Variants in TMEM135 observed in about 807,000 individuals in gnomAD.
TMEM135 encodes the protein transmembrane protein 135, also known as peroxisomal membrane protein 52.
In TMEM135, 30 loss-of-function variants were observed where a neutral mutation model predicts 60.3. That is an observed-to-expected ratio of 0.50 (90% CI 0.37 to 0.68). TMEM135 has a LOEUF of 0.68. Among genes scored for constraint, TMEM135 ranks in the 30% least tolerant of loss-of-function variants. The pLI is 0.00. For missense variants in TMEM135, 468 were observed against 548.8 expected, an observed-to-expected ratio of 0.85 and a Z score of 1.47; for synonymous variants, 190 against 186.7, an observed-to-expected ratio of 1.02 and a Z score of -0.14.
intron 9 of TMEM135, among the ~76,000 whole-genome samples, chr11:87,307,939 G>A (rs1341701745): frequency 6.6e-6 from 1 of 152,090 alleles, no homozygotes; most frequent in Non-Finnish European, 1.5e-5. Flanking sequence ...TGTCTGAAAT[G>A]TTTTTCTCAT....
intron 3 of TMEM135, among the ~76,000 whole-genome samples, chr11:87,087,946 C>T (rs1857131291): frequency 1.3e-5 from 2 of 152,128 alleles, no homozygotes; most frequent in South Asian, 2.1e-4. Context: ...TCATGTTGGT[C>T]AGGCTGGTCT....
chr11:87,045,577 C>T (rs773735191), intron 1 of TMEM135, among the ~76,000 whole-genome samples: 154 of 152,140 alleles, frequency 1.0e-3, no homozygotes, highest in Non-Finnish European at 8.4e-4. Context: ...AAGAGACCCA[C>T]CTGGAGGAAT....
At chr11:87,059,469 C>T (rs1949925616) in intron 1 of TMEM135, among the ~76,000 whole-genome samples, 1 of 151,940 alleles carries the variant, frequency 6.6e-6, no homozygotes, top group Non-Finnish European at 1.5e-5. Flanking sequence ...GCGTGTGCTA[C>T]CACGCCTGGC....
At chr11:87,183,111 A>G (rs1939558833) in intron 5 of TMEM135, among the ~76,000 whole-genome samples, 1 of 150,550 alleles carries the variant, frequency 6.6e-6, no homozygotes, top group Admixed American at 6.6e-5. Context: ...ATTTTTTAAA[A>G]TTAACATGAG....
chr11:87,197,818 A>G (rs1939995317), intron 5 of TMEM135, among the ~76,000 whole-genome samples: 1 of 152,104 alleles, frequency 6.6e-6, no homozygotes, highest in African/African-American at 2.4e-5. Flanking sequence ...AGTTTTTTTT[A>G]TTTGTATGTT....
At chr11:87,250,111 TAGG>T (rs1433878735) in intron 6 of TMEM135, among the ~76,000 whole-genome samples, 1 of 152,148 alleles carries the variant, frequency 6.6e-6, no homozygotes, top group African/African-American at 2.4e-5. Flanking sequence ...TATAGTCTCT[TAGG>T]AGCATTTGCA....
chr11:87,046,655 T>G (rs1185765948), intron 1 of TMEM135, among the ~76,000 whole-genome samples: 1 of 152,196 alleles, frequency 6.6e-6, no homozygotes, highest in Non-Finnish European at 1.5e-5. Context: ...GGCTAGAGAT[T>G]TAGGTTTATA....
In TMEM135 at chr11:87,324,467, G is replaced by T. The variant is rs1004978810; in HGVS notation, c.*3134G>T. The T allele has an allele frequency of 2.2e-6, 1 of 453,968 alleles. No homozygotes were observed. Among genetic ancestry groups the T allele is most frequent in the African/African-American group, 2.0e-5 (1 of 50,086 alleles). 28.1% of individuals were successfully genotyped at this position (453,968 alleles called of 1,614,324 possible). A position where few individuals can be genotyped will look rare whatever the true frequency, so the allele number is the denominator to read the frequency against. On this transcript the variant is annotated 3_prime_UTR_variant, in exon 15 of 15. Coordinates refer to ENST00000305494, the MANE Select transcript of TMEM135 (RefSeq NM_022918.4). The stretch of plus-strand genomic sequence containing the variant: ...GTTGAGGTCTAGCTCTGTTGCCCGG[G>T]TTGGAGTACAGTGGTGCAATCATAG...
Position 87,157,541 on chromosome 11 carries a change from C to A in TMEM135, c.462+135C>A, listed in dbSNP as rs915347994. 1.5e-5 allele frequency: 11 copies of A among 716,858 alleles called. No homozygotes were observed. In the African/African-American group the frequency reaches 1.8e-4, roughly 12 times the overall value. The allele number at this position is 716,858 out of a possible 1,614,324, so 44.4% of individuals were successfully genotyped here. ...TCTGATGTATATAATATTGAGTGTA[C>A]CTGATGAACAAATCCATTTTAATTC... On this transcript the variant is annotated intron_variant, in intron 5 of 14. Coordinates refer to ENST00000305494, the MANE Select transcript of TMEM135 (RefSeq NM_022918.4).
Position 87,328,563 on chromosome 11 carries a change from T to C in TMEM135, c.*7230T>C, listed in dbSNP as rs567402003. On this transcript the variant is annotated 3_prime_UTR_variant, in exon 15 of 15. Coordinates refer to ENST00000305494, the MANE Select transcript of TMEM135 (RefSeq NM_022918.4). ...TGTATACCCTTGTGTATCCATAGCT[T>C]AGCTCCCACTTACAGTTGAGAACAT... 71 of 454,104 alleles carry C rather than the reference T, an allele frequency of 1.6e-4. 1 individual carries two copies. The highest frequency in any genetic ancestry group is 1.4e-3 in the Admixed American group (59 of 42,562). 28.1% of individuals were successfully genotyped at this position (454,104 alleles called of 1,614,324 possible).
chr11:87,127,335 A>G (rs369966843), intron 4 of TMEM135, among the ~76,000 whole-genome samples: 3 of 152,198 alleles, frequency 2.0e-5, no homozygotes, highest in Non-Finnish European at 2.9e-5. Flanking sequence ...TTATTGCTCC[A>G]TGGGTGCCAG....
intron 1 of TMEM135, among the ~76,000 whole-genome samples, chr11:87,058,079 G>A (rs1949910550): frequency 6.6e-6 from 1 of 152,130 alleles, no homozygotes; most frequent in Non-Finnish European, 1.5e-5. Flanking sequence ...CAGGCAGGAG[G>A]AGTTTGTTGT....
intron 6 of TMEM135, among the ~76,000 whole-genome samples, chr11:87,251,805 T>G (rs1162310393): frequency 6.6e-6 from 1 of 152,180 alleles, no homozygotes; most frequent in Non-Finnish European, 1.5e-5. Flanking sequence ...GACTGATCAC[T>G]TAGCAAACGC....
intron 5 of TMEM135, among the ~76,000 whole-genome samples, chr11:87,202,352 G>A (rs1013652301): frequency 6.6e-6 from 1 of 152,026 alleles, no homozygotes. Flanking sequence ...TTGAGACAAG[G>A]TCTGGCTCCA....
intron 3 of TMEM135, among the ~76,000 whole-genome samples, chr11:87,087,496 A>G (rs932273216): frequency 6.6e-6 from 1 of 152,192 alleles, no homozygotes; most frequent in Non-Finnish European, 1.5e-5. Flanking sequence ...GACAAAACTT[A>G]AAAACAACTA....
chr11:87,152,580 A>G (rs1402803915), intron 4 of TMEM135, among the ~76,000 whole-genome samples: 1 of 152,150 alleles, frequency 6.6e-6, no homozygotes, highest in Admixed American at 6.5e-5. Flanking sequence ...CTGGGATTAC[A>G]GGCATGTGCC....
intron 5 of TMEM135, among the ~76,000 whole-genome samples, chr11:87,216,028 A>G (rs1384717136): frequency 6.6e-6 from 1 of 152,196 alleles, no homozygotes; most frequent in Non-Finnish European, 1.5e-5. Flanking sequence ...TTATTATAGT[A>G]TATTGTAACT....
At chr11:87,150,215 C>CAAAAAA (rs200067307) in intron 4 of TMEM135, among the ~76,000 whole-genome samples, 3 of 109,908 alleles carry the variant, frequency 2.7e-5, no homozygotes, top group African/African-American at 6.6e-5. Flanking sequence ...AACTCTGTCT[C>CAAAAAA]AAAAAAAAAA....
rs534733321 is a variant in TMEM135 at position 87,303,112 on chromosome 11, A to G, written c.698+670A>G. On this transcript the variant is annotated intron_variant, in intron 8 of 14. Transcript: ENST00000305494. ...GTCCTGAACCTCTGGGCCATGGACC[A>G]GTACTGGTCCGAGGCCTGTTAGGAA... is the stretch of plus-strand genomic sequence containing the variant. 1.7e-3 allele frequency among the ~76,000 whole-genome samples: 264 copies of G among 152,326 alleles called. 2 individuals carry two copies. Among genetic ancestry groups the G allele is most frequent in the African/African-American group, 6.2e-3 (257 of 41,580 alleles).
Sources: allele counts gnomAD v4.1 joint callset (sites outside exome capture counted in the v4.1 genomes callset), GRCh38; gene constraint gnomAD v4.1.1; transcripts MANE v1.5; gene names NCBI Gene and HGNC (gene_info 2026-07-23, HGNC 2026-07-21).